CDKN2A: variants seen among roughly 807,000 people sequenced by gnomAD.
The protein encoded by CDKN2A is cyclin dependent kinase inhibitor 2A.
In CDKN2A, 3 loss-of-function variants were observed where a neutral mutation model predicts 11.1. The observed-to-expected ratio is 0.27, with a 90% CI of 0.12 to 0.70. The LOEUF (loss-of-function observed/expected upper bound fraction) is 0.70. CDKN2A is among the 30% of genes least tolerant of loss of function. CDKN2A has a pLI of 0.77. For synonymous variants in CDKN2A, 122 were observed against 108.1 expected (o/e 1.13, Z -0.80); for missense variants, 265 against 233.6 (o/e 1.13, Z -0.88).
At position 21,968,426 on chromosome 9, in the gene CDKN2A, G is replaced by T; in HGVS notation, c.458-184C>A. ...CCACACCTCCCTGGTCCAGCAGCTA[G>T]TCCACTGCCCGCCTGGCTGCTCCAG... is the stretch of plus-strand genomic sequence containing the variant. On this transcript the variant is annotated intron_variant, in intron 2 of 2. Transcript: ENST00000304494. This position sits in a 1 kb window ranked among gnomAD's most constrained non-coding sequence, Gnocchi z 4.7. The T allele has an allele frequency of 6.6e-7, 1 of 1,509,462 alleles. No individual in the cohort carries two copies. Among genetic ancestry groups the T allele is most frequent in the Non-Finnish European group, 8.8e-7 (1 of 1,130,258 alleles). The allele number at this position is 1,509,462 out of a possible 1,614,324, so 93.5% of individuals were successfully genotyped here. A position where few individuals can be genotyped will look rare whatever the true frequency, so the allele number is the denominator to read the frequency against.
In CDKN2A at chr9:21,974,578, T is replaced by C. The variant is rs1222078368; in HGVS notation, c.150+100A>G. ...AACTCCCCAGGAAGCCTCCCCTTTT[T>C]CCGGAGAATCGAAGCGCTACCTGAT... is the stretch of plus-strand genomic sequence containing the variant. On this transcript the variant is annotated intron_variant, in intron 1 of 2. Transcript: ENST00000304494. The surrounding 1 kb of genome is among the most constrained non-coding windows in gnomAD (Gnocchi z 5.2). 6.2e-7 allele frequency: 1 copy of C among 1,613,798 alleles called. No individual in the cohort carries two copies. Among genetic ancestry groups the C allele is most frequent in the Non-Finnish European group, 8.5e-7 (1 of 1,179,998 alleles).
chr9:21,987,432 C>CAGAG (rs57973132), intron 2 of CDKN2A, among the ~76,000 whole-genome samples: 40 of 138,196 alleles, frequency 2.9e-4, no homozygotes, highest in African/African-American at 9.5e-4. Flanking sequence ...CACACACACA[C>CAGAG]AGAGAGAGAG....
intron 2 of CDKN2A, among the ~76,000 whole-genome samples, chr9:21,986,137 T>C (rs899056208): frequency 3.3e-5 from 5 of 152,048 alleles, no homozygotes; most frequent in African/African-American, 1.2e-4. Context: ...TTCATTCTGG[T>C]ACCATGACAG....
intron 1 of CDKN2A, chr9:21,971,470 G>A: frequency 1.1e-6 from 1 of 929,094 alleles, no homozygotes; most frequent in Non-Finnish European, 1.5e-6. Flanking sequence ...GGGCAAAATA[G>A]CAAAGGGGCA....
intron 2 of CDKN2A, 23 bp downstream of exon 2, chr9:21,970,879 A>ATT (rs1563888472): frequency 6.2e-7 from 1 of 1,609,178 alleles, no homozygotes; most frequent in East Asian, 2.2e-5. Flanking sequence ...CAGGGTACAA[A>ATT]TTCTCAGATC....
intron 2 of CDKN2A, among the ~76,000 whole-genome samples, chr9:21,993,637 G>C (rs1466251635): frequency 6.6e-6 from 1 of 152,192 alleles, no homozygotes; most frequent in Non-Finnish European, 1.5e-5. Flanking sequence ...GTCGCTGCCT[G>C]CGTGCCCCGT....
At chr9:21,970,796 C>G in intron 2 of CDKN2A, 106 bp downstream of exon 2, 1 of 1,403,448 alleles carries the variant, frequency 7.1e-7, no homozygotes, top group Non-Finnish European at 9.8e-7. Context: ...TGAGCTGAGG[C>G]AAGACCGGAG....
At chr9:21,973,495 C>T (rs929552180) in intron 1 of CDKN2A, among the ~76,000 whole-genome samples, 1 of 152,150 alleles carries the variant, frequency 6.6e-6, no homozygotes, top group African/African-American at 2.4e-5. Context: ...AAGGTCTCTT[C>T]TAAGATATTG....
At chr9:21,972,933 T>A (rs1819838581) in intron 1 of CDKN2A, among the ~76,000 whole-genome samples, 1 of 152,238 alleles carries the variant, frequency 6.6e-6, no homozygotes, top group African/African-American at 2.4e-5. Context: ...ACAAATTGCA[T>A]AATTTGCCTA....
chr9:21,968,324 C>G lies in CDKN2A; in HGVS notation c.458-82G>C. The G allele has an allele frequency of 1.9e-6, 3 of 1,549,482 alleles. No individual in the cohort carries two copies. The highest frequency in any genetic ancestry group is 1.1e-5 in the South Asian group (1 of 89,172). On this transcript the variant is annotated intron_variant, in intron 2 of 2. Coordinates refer to ENST00000304494, the MANE Select transcript of CDKN2A (RefSeq NM_000077.5). The surrounding 1 kb of genome is among the most constrained non-coding windows in gnomAD (Gnocchi z 4.7). The stretch of plus-strand genomic sequence containing the variant: ...ACATCCCGCCCTCCTCTCTTGCCGT[C>G]CCTACCGGCATTGAAATACTTATGG...
chr9:21,994,414 C>A (rs781358597), intron 1 of CDKN2A: 65 of 1,605,144 alleles, frequency 4.0e-5, no homozygotes, highest in Non-Finnish European at 5.0e-5. Context: ...CTCCTGCCCC[C>A]TTAACTGCAG....
chr9:21,970,871 G>T (rs2131091088), intron 2 of CDKN2A, 31 bp downstream of exon 2: 1 of 1,606,808 alleles, frequency 6.2e-7, no homozygotes, highest in South Asian at 1.1e-5. Context: ...GAAGCTCTCA[G>T]GGTACAAATT....
At position 21,971,022 on chromosome 9, in the gene CDKN2A, G is replaced by C. The variant is rs1819695433; in HGVS notation, c.337C>G (p.Leu113Val). The change falls in exon 2 of 3, where the codon CTG becomes GTG. Residue 113 changes from leucine to valine, a missense_variant. Coordinates refer to ENST00000304494, the MANE Select transcript of CDKN2A (RefSeq NM_000077.5). ...RLDVRDAWGR[L>V]PVDLAEELGH... ...AGCTCCTCAGCCAGGTCCACGGGCA[G>C]ACGGCCCCAGGCATCGCGCACGTCC... is the stretch of plus-strand genomic sequence containing the variant. 6.2e-7 allele frequency: 1 copy of C among 1,607,254 alleles called. No homozygotes were observed. Among genetic ancestry groups the C allele is most frequent in the African/African-American group, 1.3e-5 (1 of 74,926 alleles).
intron 2 of CDKN2A, among the ~76,000 whole-genome samples, chr9:21,983,874 C>T (rs1033141073): frequency 2.0e-5 from 3 of 152,004 alleles, no homozygotes; most frequent in African/African-American, 7.2e-5. Flanking sequence ...TCAGATAGAA[C>T]TGACCTCTCA....
At chr9:21,979,372 G>A (rs1820121708), upstream of CDKN2A, among the ~76,000 whole-genome samples, 1 of 152,180 alleles carries the variant, frequency 6.6e-6, no homozygotes, top group Non-Finnish European at 1.5e-5. Flanking sequence ...TGAGGCAGAT[G>A]GAAGGTGGAG....
In CDKN2A at chr9:21,967,968, A is replaced by G. The variant is rs887966219; in HGVS notation, c.*261T>C. On this transcript the variant is annotated 3_prime_UTR_variant, in exon 3 of 3. Transcript: ENST00000304494. ...TGAGTGCTCACTCCAGAAAACTCCA[A>G]CACAGTGAAAAGGCAGAAGCGGTGT... is the stretch of plus-strand genomic sequence containing the variant. 5.7e-5 allele frequency: 29 copies of G among 509,918 alleles called. No individual in the cohort carries two copies. The highest frequency in any genetic ancestry group is 4.5e-4 in the African/African-American group (24 of 52,760). The allele number at this position is 509,918 out of a possible 1,614,324, so 31.6% of individuals were successfully genotyped here.
At chr9:21,981,787 A>G (rs1205208245) in intron 2 of CDKN2A, among the ~76,000 whole-genome samples, 1 of 152,150 alleles carries the variant, frequency 6.6e-6, no homozygotes, top group Non-Finnish European at 1.5e-5. Context: ...TGTGGGTGGT[A>G]AGAGCATTTT....
In CDKN2A at chr9:21,994,248, C is replaced by G. The variant is rs751027808; in HGVS notation, c.-175-195G>C. On this transcript the variant is annotated intron_variant, in intron 1 of 3. Coordinates refer to the CDKN2A transcript ENST00000494262. ...GCGCTGCCCACTCCCCCGTGAGCCG[C>G]GGGATGTGAACCACGAAAACCCTCA... The G allele has an allele frequency of 3.1e-6, 5 of 1,606,648 alleles. No individual in the cohort carries two copies. In the Admixed American group the frequency reaches 6.7e-5, roughly 21 times the overall value.
chr9:21,975,197 TC>T, upstream of CDKN2A: 1 of 1,076,056 alleles, frequency 9.3e-7, no homozygotes, highest in South Asian at 4.1e-5. Flanking sequence ...CACACCGCCC[TC>T]CGGCCTCCCT....
Sources: gnomAD v4.1 joint callset for allele counts (sites outside exome capture counted in the v4.1 genomes callset) on GRCh38, gnomAD v4.1.1 for gene constraint, Gnocchi (gnomAD v3.1) non-coding constraint, MANE v1.5 for transcripts, NCBI Gene and HGNC (gene_info 2026-07-23, HGNC 2026-07-21) for gene names.